Variants in SCYL3 observed in about 807,000 individuals in gnomAD.
SCYL3 encodes protein-associating with the carboxyl-terminal domain of ezrin.
In SCYL3, 35 loss-of-function variants were observed where a neutral mutation model predicts 73.8. The ratio of observed to expected loss-of-function variants is 0.47; its 90% CI spans 0.36 to 0.63. The LOEUF (loss-of-function observed/expected upper bound fraction) is 0.63. SCYL3 is among the 20% of genes least tolerant of loss of function. The pLI is 0.00. For synonymous variants in SCYL3, 277 were observed against 295.2 expected (o/e 0.94, Z 0.63); for missense variants, 712 against 798.9 (o/e 0.89, Z 1.31).
chr1:169,856,704 G>A (rs1200145842), intron 11 of SCYL3, among the ~76,000 whole-genome samples: 1 of 152,060 alleles, frequency 6.6e-6, no homozygotes, highest in Non-Finnish European at 1.5e-5. Context: ...TCTGAACCAT[G>A]TTCTCCACCT....
chr1:169,855,685 A>T, intron 11 of SCYL3: 2 of 986,170 alleles, frequency 2.0e-6, no homozygotes, highest in South Asian at 3.5e-5. Context: ...AGCTGACTAC[A>T]TAATTACAAA....
In SCYL3 at chr1:169,850,548, AGCACTTTGGGAG is replaced by A. The variant is rs1245679023; in HGVS notation, c.*3153_*3164del. 1.6e-5 allele frequency: 7 copies of A among 448,652 alleles called. No homozygotes were observed. The highest frequency in any genetic ancestry group is 2.8e-5 in the Non-Finnish European group (7 of 246,954). The allele number at this position is 448,652 out of a possible 1,614,324, so 27.8% of individuals were successfully genotyped here. On this transcript the variant is annotated 3_prime_UTR_variant, in exon 13 of 13. Coordinates refer to ENST00000367771, the MANE Select transcript of SCYL3 (RefSeq NM_020423.7). ...CGCGGCGGCTCATGCCTGTAATCCC[AGCACTTTGGGAG>A]GCCAAGGTGGGTGGATCATGAGGTC...
chr1:169,885,359 TA>T (rs1661605275), intron 2 of SCYL3, among the ~76,000 whole-genome samples: 1 of 152,212 alleles, frequency 6.6e-6, no homozygotes, highest in Admixed American at 6.5e-5. Context: ...CTTAACTTTT[TA>T]TTGTTGTTCT....
intron 2 of SCYL3, among the ~76,000 whole-genome samples, chr1:169,884,876 T>C (rs1342838171): frequency 6.6e-6 from 1 of 152,238 alleles, no homozygotes; most frequent in Non-Finnish European, 1.5e-5. Context: ...ACATTTAATA[T>C]TAAGCATAAA....
intron 9 of SCYL3, among the ~76,000 whole-genome samples, chr1:169,863,114 T>C (rs551427702): frequency 6.6e-6 from 1 of 152,252 alleles, no homozygotes; most frequent in East Asian, 1.9e-4. Context: ...GGTTTCACCA[T>C]GTTGGCCAGG....
intron 7 of SCYL3, among the ~76,000 whole-genome samples, chr1:169,867,398 C>G (rs1428229593): frequency 6.6e-6 from 1 of 152,226 alleles, no homozygotes; most frequent in African/African-American, 2.4e-5. Flanking sequence ...CAGCAATCTT[C>G]TCATTTCTCC....
intron 5 of SCYL3, among the ~76,000 whole-genome samples, chr1:169,870,717 C>T (rs1284778361): frequency 1.3e-5 from 2 of 151,802 alleles, no homozygotes; most frequent in Non-Finnish European, 2.9e-5. Context: ...AGTGCTTAGC[C>T]TTACTATCTA....
At chr1:169,882,598 C>T (rs1315735088) in intron 2 of SCYL3, among the ~76,000 whole-genome samples, 1 of 152,242 alleles carries the variant, frequency 6.6e-6, no homozygotes, top group African/African-American at 2.4e-5. Flanking sequence ...ACGTGGGGAA[C>T]CTTTGTGTCT....
chr1:169,893,630 A>C (rs1662244598), intron 1 of SCYL3, among the ~76,000 whole-genome samples, 158 bp downstream of exon 1: 1 of 151,560 alleles, frequency 6.6e-6, no homozygotes, highest in African/African-American at 2.4e-5. Flanking sequence ...AGCACAGCTC[A>C]ACCGGCCGCC....
At chr1:169,881,824 T>A (rs1361940572) in intron 2 of SCYL3, among the ~76,000 whole-genome samples, 2 of 152,232 alleles carry the variant, frequency 1.3e-5, no homozygotes, top group African/African-American at 2.4e-5. Context: ...GAGACTGTTC[T>A]ACCTCAAATC....
At chr1:169,879,647 G>A (rs898331798) in intron 2 of SCYL3, among the ~76,000 whole-genome samples, 1 of 152,084 alleles carries the variant, frequency 6.6e-6, no homozygotes, top group Non-Finnish European at 1.5e-5. Context: ...AAAATGTCCA[G>A]GATGCAACCC....
intron 11 of SCYL3, chr1:169,855,787 T>C (rs1211981955): frequency 1.9e-6 from 3 of 1,606,900 alleles, no homozygotes; most frequent in East Asian, 4.5e-5. Context: ...ATAAATTTAA[T>C]ATTTCTACCT....
chr1:169,886,258 C>T (rs558716666), intron 2 of SCYL3, among the ~76,000 whole-genome samples: 7 of 151,666 alleles, frequency 4.6e-5, no homozygotes, highest in African/African-American at 1.7e-4. Flanking sequence ...TTGCAGTGAG[C>T]CAAGATCGAA....
Position 169,852,727 on chromosome 1 carries a change from C to T in SCYL3, c.*986G>A, listed in dbSNP as rs971489036. ...ATTTGCATGTAAGCTTTACTCCAGT[C>T]CAAAAGGAAGGTTCTTTATATTTAG... On this transcript the variant is annotated 3_prime_UTR_variant, in exon 13 of 13. Transcript: ENST00000367771. 1.9e-6 allele frequency: 3 copies of T among 1,551,182 alleles called. No individual in the cohort carries two copies. Among genetic ancestry groups the T allele is most frequent in the Non-Finnish European group, 2.7e-6 (3 of 1,131,826 alleles).
At chr1:169,893,517 G>A (rs1662230916) in intron 1 of SCYL3, among the ~76,000 whole-genome samples, 2 of 152,242 alleles carry the variant, frequency 1.3e-5, no homozygotes, top group South Asian at 2.1e-4. Context: ...CGGCCGCCTT[G>A]GAGAGCTCTG....
chr1:169,883,150 A>G (rs1413522244), intron 2 of SCYL3, among the ~76,000 whole-genome samples: 1 of 152,120 alleles, frequency 6.6e-6, no homozygotes, highest in Non-Finnish European at 1.5e-5. Flanking sequence ...AACAAACTCC[A>G]GACACGCCAC....
intron 2 of SCYL3, among the ~76,000 whole-genome samples, chr1:169,882,271 G>A (rs2102200771): frequency 6.6e-6 from 1 of 152,350 alleles, no homozygotes; most frequent in African/African-American, 2.4e-5. Flanking sequence ...GCTGCGGAGG[G>A]TGTACTGGGT....
rs1164433292 is a variant in SCYL3 at position 169,851,576 on chromosome 1, A to C, written c.*2137T>G. ...GCCAGTTTCTTAGCTTATACAGTAA[A>C]GGTTAGCAGACTATCATTTTTTCCT... On this transcript the variant is annotated 3_prime_UTR_variant, in exon 13 of 13. Coordinates refer to ENST00000367771, the MANE Select transcript of SCYL3 (RefSeq NM_020423.7). The C allele has an allele frequency of 1.9e-6, 1 of 514,464 alleles. No individual in the cohort carries two copies. Among genetic ancestry groups the C allele is most frequent in the Non-Finnish European group, 3.4e-6 (1 of 292,888 alleles). 31.9% of individuals were successfully genotyped at this position (514,464 alleles called of 1,614,324 possible).
At chr1:169,873,878 C>A in intron 4 of SCYL3, 126 bp from the exon 5 acceptor site, 1 of 618,888 alleles carries the variant, frequency 1.6e-6, no homozygotes, top group Non-Finnish European at 2.9e-6. Flanking sequence ...ATCAATGCCG[C>A]ATATTAGATG....
Sources: allele counts gnomAD v4.1 joint callset (sites outside exome capture counted in the v4.1 genomes callset), GRCh38; gene constraint gnomAD v4.1.1; transcripts MANE v1.5; gene names NCBI Gene and HGNC (gene_info 2026-07-23, HGNC 2026-07-21).